The following SH3PXD2A variants were observed in gnomAD, a reference collection of about 807,000 sequenced individuals.
SH3PXD2A encodes SH3 and PX domain-containing protein 2A.
A neutral mutation model predicts 115.2 loss-of-function variants in SH3PXD2A; 32 were observed. The observed-to-expected ratio is 0.28, with a 90% CI of 0.21 to 0.37. The LOEUF (loss-of-function observed/expected upper bound fraction) is 0.37. Ranked by LOEUF, SH3PXD2A falls within the 10% of genes least tolerant of loss-of-function variation. The probability of loss-of-function intolerance (pLI) is 1.00; values close to 1 mark genes in which losing one functional copy is unlikely to be tolerated. For missense variants in SH3PXD2A, 1,328 were observed against 1,498.7 expected, an observed-to-expected ratio of 0.89 and a Z score of 1.88; for synonymous variants, 610 against 629.1, an observed-to-expected ratio of 0.97 and a Z score of 0.45.
intron 3 of SH3PXD2A, among the ~76,000 whole-genome samples, chr10:103,764,572 G>A (rs2038734751): frequency 6.6e-6 from 1 of 152,206 alleles, no homozygotes; most frequent in Non-Finnish European, 1.5e-5. Flanking sequence ...GTAGGTGACG[G>A]TGGTGTGGGG....
chr10:103,625,861 GCC>G (rs2036683706), intron 9 of SH3PXD2A, among the ~76,000 whole-genome samples: 1 of 152,252 alleles, frequency 6.6e-6, no homozygotes, highest in African/African-American at 2.4e-5. Flanking sequence ...CTGCACTTCA[GCC>G]TAGGAGACAG....
At chr10:103,829,093 T>A (rs908208380) in intron 1 of SH3PXD2A, among the ~76,000 whole-genome samples, 1 of 152,328 alleles carries the variant, frequency 6.6e-6, no homozygotes. Flanking sequence ...GTGGAAATAT[T>A]TGGCCTTTTC....
intron 1 of SH3PXD2A, among the ~76,000 whole-genome samples, chr10:103,832,313 G>A (rs1291279900): frequency 1.3e-5 from 2 of 150,158 alleles, no homozygotes; most frequent in African/African-American, 2.5e-5. Flanking sequence ...GTGCACTTGG[G>A]AGATAGTCTC....
chr10:103,675,167 G>C (rs2134092111), intron 6 of SH3PXD2A, among the ~76,000 whole-genome samples: 1 of 152,364 alleles, frequency 6.6e-6, no homozygotes, highest in East Asian at 1.9e-4. Context: ...CCAAGGCAGA[G>C]CTGGCTTCGT....
At chr10:103,797,420 C>A (rs1196875751) in intron 2 of SH3PXD2A, among the ~76,000 whole-genome samples, 1 of 152,020 alleles carries the variant, frequency 6.6e-6, no homozygotes, top group Non-Finnish European at 1.5e-5. Context: ...TCCATCTCTC[C>A]CAACCCTCTG....
At chr10:103,806,287 G>A (rs139825639) in intron 1 of SH3PXD2A, among the ~76,000 whole-genome samples, 32 of 152,104 alleles carry the variant, frequency 2.1e-4, no homozygotes, top group African/African-American at 7.2e-4. Context: ...AGAGATACGA[G>A]GACAATCTCC....
intron 5 of SH3PXD2A, among the ~76,000 whole-genome samples, chr10:103,719,012 G>A (rs1392381988): frequency 6.6e-6 from 1 of 152,220 alleles, no homozygotes; most frequent in African/African-American, 2.4e-5. Flanking sequence ...GGGTAAAGAT[G>A]ACTATGAACC....
intron 1 of SH3PXD2A, among the ~76,000 whole-genome samples, chr10:103,843,955 A>C (rs1842812748): frequency 6.6e-6 from 1 of 152,210 alleles, no homozygotes; most frequent in Non-Finnish European, 1.5e-5. Context: ...CCACCCATAC[A>C]TTCTCTAACC....
At chr10:103,753,545 G>A (rs1474236376) in intron 3 of SH3PXD2A, among the ~76,000 whole-genome samples, 1 of 151,158 alleles carries the variant, frequency 6.6e-6, no homozygotes, top group Non-Finnish European at 1.5e-5. Context: ...CTTGGGCTTG[G>A]AAGTGGAGGG....
intron 1 of SH3PXD2A, among the ~76,000 whole-genome samples, chr10:103,820,521 C>G (rs1353782506): frequency 6.6e-6 from 1 of 152,170 alleles, no homozygotes; most frequent in Non-Finnish European, 1.5e-5. Flanking sequence ...CCTCCTCCCC[C>G]AGTGCCCCCT....
chr10:103,848,794 C>T (rs1252833051), intron 1 of SH3PXD2A, among the ~76,000 whole-genome samples: 3 of 152,098 alleles, frequency 2.0e-5, no homozygotes, highest in Non-Finnish European at 2.9e-5. Context: ...TGCTCTCCCT[C>T]CTCTGAACAG....
chr10:103,639,487 G>A (rs529623893), intron 8 of SH3PXD2A, among the ~76,000 whole-genome samples: 20 of 152,132 alleles, frequency 1.3e-4, no homozygotes, highest in Admixed American at 7.9e-4. Flanking sequence ...GCGTGTGCCT[G>A]TAGTCCCAGC....
intron 2 of SH3PXD2A, among the ~76,000 whole-genome samples, chr10:103,776,810 G>A (rs561624802): frequency 2.6e-5 from 4 of 152,180 alleles, no homozygotes; most frequent in South Asian, 2.1e-4. Context: ...CCCTACTCCC[G>A]GATGATCTCA....
intron 3 of SH3PXD2A, among the ~76,000 whole-genome samples, chr10:103,738,196 GT>G (rs2038401279): frequency 6.6e-6 from 1 of 152,200 alleles, no homozygotes; most frequent in Admixed American, 6.5e-5. Context: ...TCTGCCCTGC[GT>G]CCCTCTCGAA....
At chr10:103,634,037 C>T (rs2036828227) in intron 8 of SH3PXD2A, among the ~76,000 whole-genome samples, 1 of 152,224 alleles carries the variant, frequency 6.6e-6, no homozygotes, top group Non-Finnish European at 1.5e-5. Flanking sequence ...AAGTTTTGCC[C>T]AGCTCTCCTT....
chr10:103,718,209 G>T (rs931303645), intron 5 of SH3PXD2A, among the ~76,000 whole-genome samples: 2 of 151,762 alleles, frequency 1.3e-5, no homozygotes, highest in African/African-American at 4.8e-5. Context: ...AGAGATGGGG[G>T]TCTCACTATG....
chr10:103,830,636 A>G (rs966638725), intron 1 of SH3PXD2A, among the ~76,000 whole-genome samples: 2 of 152,226 alleles, frequency 1.3e-5, no homozygotes, highest in Non-Finnish European at 2.9e-5. Flanking sequence ...ATGAGTATGG[A>G]ATACCATGCA....
intron 2 of SH3PXD2A, among the ~76,000 whole-genome samples, chr10:103,772,778 C>T (rs895709566): frequency 3.3e-5 from 5 of 152,188 alleles, no homozygotes; most frequent in African/African-American, 9.6e-5. Context: ...GGCTCCTCGC[C>T]CCTCCCAGAG....
At chr10:103,633,309 G>C (rs2036810342) in intron 8 of SH3PXD2A, among the ~76,000 whole-genome samples, 1 of 151,982 alleles carries the variant, frequency 6.6e-6, no homozygotes, top group Admixed American at 6.6e-5. Flanking sequence ...CCAGCTACTG[G>C]GGAGGCTGAG....
Sources: allele counts gnomAD v4.1 joint callset (sites outside exome capture counted in the v4.1 genomes callset), GRCh38; gene constraint gnomAD v4.1.1; transcripts MANE v1.5; gene names NCBI Gene and HGNC (gene_info 2026-07-23, HGNC 2026-07-21).